DOHH: variants seen among roughly 807,000 people sequenced by gnomAD.
DOHH encodes HEAT-like (PBS lyase) repeat containing 1.
Under a neutral mutation model 19.9 loss-of-function variants are expected in DOHH, and 16 were observed. The ratio of observed to expected loss-of-function variants is 0.80; its 90% CI spans 0.54 to 1.22. DOHH has a LOEUF of 1.22. DOHH is among the 50% of genes most tolerant of loss of function. The pLI is 0.00. For synonymous variants in DOHH, 233 were observed against 217.0 expected, an observed-to-expected ratio of 1.07 and a Z score of -0.65; for missense variants, 460 against 460.6, an observed-to-expected ratio of 1.00 and a Z score of 0.01.
At chr19:3,498,829 G>A (rs1265561172) in intron 1 of DOHH, among the ~76,000 whole-genome samples, 2 of 152,118 alleles carry the variant, frequency 1.3e-5, no homozygotes, top group African/African-American at 4.8e-5. Context: ...CCCAGCACCT[G>A]GACCCACTGG....
At chr19:3,498,146 G>A (rs117368362) in intron 1 of DOHH, among the ~76,000 whole-genome samples, 5 of 152,038 alleles carry the variant, frequency 3.3e-5, no homozygotes, top group Non-Finnish European at 5.9e-5. Flanking sequence ...CCTCCAACAC[G>A]CCAGGCCCAG....
Position 3,494,328 on chromosome 19 carries a change from C to T in DOHH, c.275-224G>A, listed in dbSNP as rs146747991. On this transcript the variant is annotated intron_variant, in intron 2 of 4. Coordinates refer to ENST00000427575, the MANE Select transcript of DOHH (RefSeq NM_001145165.2). ...ACTGCCTGGAACCGCACCTGGCTGC[C>T]GCTCAGAGCAAAATGGACCCCATCC... 1.5e-3 allele frequency among the ~76,000 whole-genome samples: 235 copies of T among 152,276 alleles called. 2 individuals are homozygous for T. Among genetic ancestry groups the T allele is most frequent in the African/African-American group, 5.1e-3 (214 of 41,560 alleles).
In DOHH at chr19:3,494,099, C is replaced by A. The variant is rs1454632334; in HGVS notation, c.280G>T (p.Ala94Ser). The change falls in exon 3 of 5, where the codon GCC becomes TCC. Residue 94 changes from alanine (A) to serine (S), a missense_variant. Ala to Ser is a moderately conservative substitution (Grantham distance 99). Coordinates refer to ENST00000427575, the MANE Select transcript of DOHH (RefSeq NM_001145165.2). ...EPMVRHEAGE[A>S]LGAIGDPEVL... The stretch of plus-strand genomic sequence containing the variant: ...TCCGGGTCCCCGATGGCCCCCAGGG[C>A]CTCCCCTGGGAAGAAGCAGCCGGAG... The A allele has an allele frequency of 1.2e-6, 2 of 1,613,422 alleles. No homozygotes were observed. The highest frequency in any genetic ancestry group is 1.1e-5 in the South Asian group (1 of 91,040).
At chr19:3,493,904 T>G (rs2082888892) in intron 3 of DOHH, 124 bp downstream of exon 3, 11 of 832,712 alleles carry the variant, frequency 1.3e-5, no homozygotes, top group Non-Finnish European at 2.0e-5. Context: ...CTTGGCCAAG[T>G]GGTCGCCCTG....
chr19:3,494,366 TGA>T, intron 2 of DOHH, among the ~76,000 whole-genome samples: 1 of 152,252 alleles, frequency 6.6e-6, no homozygotes, highest in Middle Eastern at 3.4e-3. Flanking sequence ...GCCCGTACCA[TGA>T]GACAGGGAGA....
chr19:3,497,991 A>C (rs1395871724), intron 1 of DOHH, among the ~76,000 whole-genome samples: 3 of 152,128 alleles, frequency 2.0e-5, no homozygotes, highest in Admixed American at 1.3e-4. Context: ...TCAATATGTA[A>C]ACTGGACCAT....
At chr19:3,492,719 G>C (rs1365638104) in intron 3 of DOHH, among the ~76,000 whole-genome samples, 1 of 152,172 alleles carries the variant, frequency 6.6e-6, no homozygotes, top group Non-Finnish European at 1.5e-5. Context: ...TGTGGAGGCA[G>C]AGACCTAAGC....
rs776002515 is a variant in DOHH at position 3,492,535 on chromosome 19, T to TG, written c.352-37dup. 10 of 1,349,620 alleles carry TG rather than the reference T, an allele frequency of 7.4e-6. No homozygotes were observed. The Admixed American group carries it at 1.6e-4, about 21-fold the overall frequency. 83.6% of individuals were successfully genotyped at this position (1,349,620 alleles called of 1,614,324 possible). ...GGGGTATCAGGCAGCGGGTTGGCCC[T>TG]GGGGGGTCGCAGGGGCCCTTCCCCA... On this transcript the variant is annotated intron_variant, in intron 3 of 4. Coordinates refer to ENST00000427575, the MANE Select transcript of DOHH (RefSeq NM_001145165.2).
rs2082905136 is a variant in DOHH at position 3,496,026 on chromosome 19, T to C, written c.274+515A>G. 6.6e-6 allele frequency among the ~76,000 whole-genome samples: 1 copy of C among 152,216 alleles called. No individual in the cohort carries two copies. Among genetic ancestry groups the C allele is most frequent in the Non-Finnish European group, 1.5e-5 (1 of 68,036 alleles). ...ACAAATGAAGTTTGTTTTTTGTTTT[T>C]TCACAGACAGGATCTCACTCTGTTG... On this transcript the variant is annotated intron_variant, in intron 2 of 4. Transcript: ENST00000427575. The surrounding 1 kb of genome is among the most constrained non-coding windows in gnomAD (Gnocchi z 4.8).
chr19:3,493,336 C>T (rs1459158265), intron 3 of DOHH, among the ~76,000 whole-genome samples: 6 of 151,780 alleles, frequency 4.0e-5, no homozygotes, highest in African/African-American at 4.8e-5. Context: ...TTGGGCCAGG[C>T]GCGGTGGCTC....
rs2082913720 is a variant in DOHH, at chr19:3,496,939, G to C, written c.-72-53C>G. 1 of 1,262,962 alleles carries C rather than the reference G, an allele frequency of 7.9e-7. No homozygotes were observed. The highest frequency in any genetic ancestry group is 1.0e-6 in the Non-Finnish European group (1 of 984,738). The allele number at this position is 1,262,962 out of a possible 1,614,324, so 78.2% of individuals were successfully genotyped here. A position where few individuals can be genotyped will look rare whatever the true frequency, so the allele number is the denominator to read the frequency against. ...TAGAAGCCCCCTTCACCAGTGCGTT[G>C]TCTGTTCCTAGGACCTGGGTGGGGC... On this transcript the variant is annotated intron_variant, in intron 1 of 4. Coordinates refer to ENST00000427575, the MANE Select transcript of DOHH (RefSeq NM_001145165.2). The surrounding 1 kb of genome is among the most constrained non-coding windows in gnomAD (Gnocchi z 4.8).
In DOHH at chr19:3,491,285, G is replaced by A. The variant is rs1756003429; in HGVS notation, c.*207C>T. 1 of 611,214 alleles carries A rather than the reference G, an allele frequency of 1.6e-6. No individual in the cohort carries two copies. The highest frequency in any genetic ancestry group is 3.1e-5 in the Admixed American group (1 of 32,072). The allele number at this position is 611,214 out of a possible 1,614,324, so 37.9% of individuals were successfully genotyped here. ...ACTTCCACGCTACAGCCCTGCGCCA[G>A]GCCCCGAGGAGCAGTCAGGGGACTC... On this transcript the variant is annotated 3_prime_UTR_variant, in exon 5 of 5. Coordinates refer to ENST00000427575, the MANE Select transcript of DOHH (RefSeq NM_001145165.2). This position sits in a 1 kb window ranked among gnomAD's most constrained non-coding sequence, Gnocchi z 5.6.
chr19:3,492,570 A>T, intron 3 of DOHH, 71 bp from the exon 4 acceptor site: 1 of 1,226,948 alleles, frequency 8.2e-7, no homozygotes. Context: ...ACCCCCCGGG[A>T]TGGCAGCTTA....
intron 1 of DOHH, among the ~76,000 whole-genome samples, chr19:3,497,336 C>T (rs1033791060): frequency 1.3e-5 from 2 of 152,250 alleles, no homozygotes; most frequent in Non-Finnish European, 2.9e-5. Flanking sequence ...GCACAACAGT[C>T]TCATCCTTGT....
intron 1 of DOHH, among the ~76,000 whole-genome samples, chr19:3,499,843 G>A (rs1356689846): frequency 3.3e-5 from 5 of 152,230 alleles, no homozygotes; most frequent in East Asian, 1.9e-4. Flanking sequence ...TTTGCTACGC[G>A]CCAGGCACTC....
intron 1 of DOHH, among the ~76,000 whole-genome samples, chr19:3,499,750 C>G (rs1418273068): frequency 6.6e-6 from 1 of 152,146 alleles, no homozygotes; most frequent in East Asian, 1.9e-4. Flanking sequence ...CCAGACTGAG[C>G]TACAAAGCAA....
At chr19:3,498,416 T>C (rs1034129490) in intron 1 of DOHH, among the ~76,000 whole-genome samples, 3 of 152,154 alleles carry the variant, frequency 2.0e-5, no homozygotes, top group Non-Finnish European at 4.4e-5. Context: ...AGGAATTTTT[T>C]TTTTTTTGAG....
chr19:3,492,535 TG>T (rs776002515), intron 3 of DOHH, 36 bp from the exon 4 acceptor site: 4 of 1,349,734 alleles, frequency 3.0e-6, no homozygotes, highest in Admixed American at 3.9e-5. Flanking sequence ...GGGTTGGCCC[TG>T]GGGGGTCGCA....
intron 3 of DOHH, 60 bp downstream of exon 3, chr19:3,493,968 G>C (rs1235952329): frequency 2.0e-6 from 3 of 1,531,530 alleles, no homozygotes; most frequent in East Asian, 4.6e-5. Flanking sequence ...CTGGGGCAGG[G>C]CTGGGCAGGG....
Sources: gnomAD v4.1 joint callset for allele counts (sites outside exome capture counted in the v4.1 genomes callset) on GRCh38, gnomAD v4.1.1 for gene constraint, Gnocchi (gnomAD v3.1) non-coding constraint, MANE v1.5 for transcripts, NCBI Gene and HGNC (gene_info 2026-07-23, HGNC 2026-07-21) for gene names.